The following XPO5 variants were observed in gnomAD, a reference collection of about 807,000 sequenced individuals.
XPO5 encodes the protein exportin 5.
XPO5 carries 46 observed loss-of-function variants against 160.6 expected under a neutral mutation model. The ratio of observed to expected loss-of-function variants is 0.29; its 90% confidence interval spans 0.23 to 0.37. The LOEUF (loss-of-function observed/expected upper bound fraction) is 0.37, where lower values mean the gene tolerates loss of function less well. Ranked by LOEUF, XPO5 falls within the 10% of genes least tolerant of loss-of-function variation. The pLI, the probability that XPO5 is intolerant of heterozygous loss-of-function variation, is 1.00. For synonymous variants in XPO5, 537 were observed against 519.3 expected (o/e 1.03, Z -0.46); for missense variants, 1,090 against 1,463.9 (o/e 0.74, Z 4.17).
intron 13 of XPO5, chr6:43,553,802 C>T (rs1007536784): frequency 2.4e-4 from 57 of 240,216 alleles, no homozygotes; most frequent in Admixed American, 9.8e-4. Context: ...AATGAGAATA[C>T]GCAGGTGAAC....
intron 7 of XPO5, chr6:43,566,561 C>CT (rs1762707249): frequency 6.2e-6 from 2 of 322,784 alleles, no homozygotes; most frequent in African/African-American, 4.3e-5. Context: ...GTAATCCCAG[C>CT]ACTTTAGGAG....
chr6:43,536,758 T>TAAAAAAAAAAAAAAAAA (rs1156884252), intron 20 of XPO5, among the ~76,000 whole-genome samples: 3 of 19,100 alleles, frequency 1.6e-4, no homozygotes, highest in Admixed American at 8.9e-4. Context: ...AGACTCTATC[T>TAAAAAAAAAAAAAAAAA]AAAAAAAAAA....
rs76589343 is a variant in XPO5, at chr6:43,529,778, G to A, written c.2678-853C>T. Among the ~76,000 whole-genome samples, 253 of 151,804 alleles carry A rather than the reference G, an allele frequency of 1.7e-3. 1 individual carries two copies. Among genetic ancestry groups the A allele is most frequent in the Non-Finnish European group, 2.9e-3 (199 of 67,920 alleles). On this transcript the variant is annotated intron_variant, in intron 23 of 31. Coordinates refer to ENST00000265351, the MANE Select transcript of XPO5 (RefSeq NM_020750.3). Reference sequence around the variant, plus strand: ...CTACAAATAATAATAAAAACTAGCTGGGTGTGGTGGTGCGCATCTGTGGTC... The same window carrying A: ...CTACAAATAATAATAAAAACTAGCTAGGTGTGGTGGTGCGCATCTGTGGTC...
chr6:43,537,079 A>G (rs1216040951), intron 20 of XPO5, among the ~76,000 whole-genome samples: 1 of 151,142 alleles, frequency 6.6e-6, no homozygotes, highest in African/African-American at 2.4e-5. Context: ...TGGCCCTTCC[A>G]CCTCAGGCTC....
At chr6:43,554,552 G>A (rs980711764) in intron 13 of XPO5, among the ~76,000 whole-genome samples, 3 of 151,712 alleles carry the variant, frequency 2.0e-5, no homozygotes, top group Admixed American at 6.6e-5. Context: ...AGCCTCCTGA[G>A]TAGCTAGGAT....
intron 20 of XPO5, among the ~76,000 whole-genome samples, chr6:43,534,497 C>G (rs1161987462): frequency 6.6e-6 from 1 of 152,184 alleles, no homozygotes; most frequent in Non-Finnish European, 1.5e-5. Context: ...CATGCTGTCC[C>G]CCACCAAAAT....
rs918045040 is a variant in XPO5 at position 43,553,416 on chromosome 6, A to G, written c.1529T>C (p.Leu510Ser). 11 of 1,605,322 alleles carry G rather than the reference A, an allele frequency of 6.9e-6. No individual in the cohort carries two copies. Among genetic ancestry groups the G allele is most frequent in the African/African-American group, 1.3e-5 (1 of 74,780 alleles). Reference protein sequence around the residue: ...FVQWEAMTLFLESVITQMFRT... With the variant: ...FVQWEAMTLFSESVITQMFRT... ...AAACATCTGGGTGATAACACTTTCC[A>G]AAAAAAGAGTCATGGCTTCCCACTG... The change falls in exon 14 of 32, where the codon TTG becomes TCG. Residue 510 changes from leucine to serine, a missense_variant. Leu to Ser is a moderately radical substitution (Grantham distance 145, BLOSUM62 -2). Coordinates refer to ENST00000265351, the MANE Select transcript of XPO5 (RefSeq NM_020750.3).
intron 5 of XPO5, 42 bp from the exon 6 acceptor site, chr6:43,568,779 A>G (rs1276575424): frequency 1.3e-6 from 2 of 1,520,560 alleles, no homozygotes; most frequent in Middle Eastern, 1.8e-4. Flanking sequence ...AATGAGCAAA[A>G]GGCCACATAA....
chr6:43,536,312 G>T (rs1405800287), intron 20 of XPO5, among the ~76,000 whole-genome samples: 1 of 151,358 alleles, frequency 6.6e-6, no homozygotes, highest in Non-Finnish European at 1.5e-5. Context: ...CTACTTGAGA[G>T]GTCAAGGCAT....
chr6:43,570,791 A>C, intron 4 of XPO5, 66 bp downstream of exon 4: 1 of 1,544,704 alleles, frequency 6.5e-7, no homozygotes, highest in Non-Finnish European at 8.7e-7. Flanking sequence ...AAACAAAATC[A>C]AACAACAAAC....
intron 20 of XPO5, among the ~76,000 whole-genome samples, chr6:43,538,082 C>CAAA (rs1217531011): frequency 1.7e-4 from 6 of 36,128 alleles, no homozygotes; most frequent in African/African-American, 4.8e-4. Flanking sequence ...AAGATGGTCT[C>CAAA]AAAAAAAAAA....
In XPO5 at chr6:43,567,935, C is replaced by CAA. The variant is rs760267973; in HGVS notation, c.649-583_649-582dup. Among the ~76,000 whole-genome samples the CAA allele has an allele frequency of 6.2e-4, 47 of 75,218 alleles. 1 individual carries two copies. Among genetic ancestry groups the CAA allele is most frequent in the Middle Eastern group, 6.9e-3 (1 of 144 alleles). The allele number at this position is 75,218 out of a possible 152,430, so 49.3% of individuals were successfully genotyped here. On this transcript the variant is annotated intron_variant, in intron 6 of 31. Coordinates refer to ENST00000265351, the MANE Select transcript of XPO5 (RefSeq NM_020750.3). ...TGGGTGACAAAGTAAGACCCTGTGTCAAAAAAAAAAAAAAAAAGTAAGTCT... is the reference window on the plus strand; with the variant it reads ...TGGGTGACAAAGTAAGACCCTGTGTCAAAAAAAAAAAAAAAAAAAGTAAGTCT...
At position 43,568,695 on chromosome 6, in the gene XPO5, T is replaced by C. The variant is rs371959620; in HGVS notation, c.648+16A>G. The C allele has an allele frequency of 1.0e-5, 16 of 1,574,298 alleles. No individual in the cohort carries two copies. The highest frequency in any genetic ancestry group is 2.3e-5 in the East Asian group (1 of 43,436). On this transcript the variant is annotated intron_variant, in intron 6 of 31. Transcript: ENST00000265351. ...AGGTTCAAAGGTCTCCTTCAAACTT[T>C]ATAAAGAGCTCTTACCTTTGACTCC...
At chr6:43,548,134 C>T in intron 18 of XPO5, 127 bp downstream of exon 18, 1 of 978,652 alleles carries the variant, frequency 1.0e-6, no homozygotes, top group East Asian at 2.5e-5. Context: ...TTTTAGAGAA[C>T]TTCAGATATC....
intron 23 of XPO5, among the ~76,000 whole-genome samples, chr6:43,530,417 T>C (rs911438140): frequency 2.7e-5 from 4 of 150,674 alleles, no homozygotes; most frequent in African/African-American, 9.9e-5. Context: ...TGAGCAAGAC[T>C]GTCTCAAAAA....
At chr6:43,528,701 A>G (rs893070383) in intron 24 of XPO5, 127 bp downstream of exon 24, 9 of 856,126 alleles carry the variant, frequency 1.1e-5, no homozygotes, top group South Asian at 1.5e-5. Context: ...CTGGGGTAGA[A>G]GCTCTGCCCA....
At chr6:43,537,164 A>G (rs1794390779) in intron 20 of XPO5, among the ~76,000 whole-genome samples, 1 of 149,680 alleles carries the variant, frequency 6.7e-6, no homozygotes, top group African/African-American at 2.5e-5. Flanking sequence ...TTTGTAGAGA[A>G]AGTGTCTGTG....
chr6:43,531,981 A>C (rs558120419), intron 21 of XPO5, among the ~76,000 whole-genome samples: 2 of 152,244 alleles, frequency 1.3e-5, no homozygotes, highest in East Asian at 3.9e-4. Flanking sequence ...AGTATTAAAA[A>C]CTGCCTTAAA....
chr6:43,573,189 G>A lies in XPO5; in HGVS notation c.227+291C>T, dbSNP rs699937. On this transcript the variant is annotated intron_variant, in intron 2 of 31. Coordinates refer to ENST00000265351, the MANE Select transcript of XPO5 (RefSeq NM_020750.3). ...CATTGCATTACTCTAAAAAGGCTTC[G>A]AGGGCTAATGACATATAGTCAGAGC... 0.25 allele frequency among the ~76,000 whole-genome samples: 37,964 copies of A among 152,136 alleles called. 5,669 individuals are homozygous for A. The highest frequency in any genetic ancestry group is 0.32 in the Non-Finnish European group (21,855 of 67,982).
Sources: gnomAD v4.1 joint callset for allele counts (sites outside exome capture counted in the v4.1 genomes callset) on GRCh38, gnomAD v4.1.1 for gene constraint, MANE v1.5 for transcripts, NCBI Gene and HGNC (gene_info 2026-07-23, HGNC 2026-07-21) for gene names.